ASXL2: variants seen among roughly 807,000 people sequenced by gnomAD.
ASXL2 encodes the protein putative Polycomb group protein ASXL2.
A neutral mutation model predicts 122.0 loss-of-function variants in ASXL2; 23 were observed. That is an observed-to-expected ratio of 0.19 (90% CI 0.14 to 0.27). ASXL2 has a LOEUF of 0.27. Ranked by LOEUF, ASXL2 falls within the 10% of genes least tolerant of loss-of-function variation. ASXL2 has a pLI of 1.00. For synonymous variants in ASXL2, 650 were observed against 637.0 expected, an observed-to-expected ratio of 1.02 and a Z score of -0.31; for missense variants, 1,518 against 1,713.8, an observed-to-expected ratio of 0.89 and a Z score of 2.02.
chr2:25,834,904 C>A lies in ASXL2; in HGVS notation c.143+634G>T, dbSNP rs540544192. On this transcript the variant is annotated intron_variant, in intron 3 of 12. Coordinates refer to ENST00000435504, the MANE Select transcript of ASXL2 (RefSeq NM_018263.6). ...GTGGCATGATCTCGGCTCACTGCAA[C>A]CTCCACCTTGTGGGTTCAAGCAATT... 3.6e-4 allele frequency among the ~76,000 whole-genome samples: 55 copies of A among 152,166 alleles called. 1 individual carries two copies. In the South Asian group the frequency reaches 0.011, roughly 30 times the overall value.
intron 2 of ASXL2, among the ~76,000 whole-genome samples, chr2:25,839,301 T>G (rs141909937): frequency 3.9e-5 from 6 of 152,326 alleles, no homozygotes; most frequent in Admixed American, 1.3e-4. Context: ...TTTTACTATT[T>G]TTGATTTTAT....
chr2:25,832,913 A>G (rs1038693641), intron 3 of ASXL2, among the ~76,000 whole-genome samples: 2 of 152,230 alleles, frequency 1.3e-5, no homozygotes, highest in African/African-American at 4.8e-5. Context: ...CATACAATGA[A>G]TGGGGGCTGC....
chr2:25,857,096 G>GGT (rs2089789691), intron 1 of ASXL2: 1 of 113,958 alleles, frequency 8.8e-6, no homozygotes, highest in Non-Finnish European at 1.8e-5. Flanking sequence ...GGGGCGGGGG[G>GGT]GGGGAGATGG....
intron 3 of ASXL2, among the ~76,000 whole-genome samples, chr2:25,820,214 C>T (rs758882049): frequency 1.3e-5 from 2 of 152,142 alleles, no homozygotes; most frequent in Non-Finnish European, 2.9e-5. Context: ...TGCATCAAGC[C>T]TACTCTGAAG....
intron 8 of ASXL2, among the ~76,000 whole-genome samples, chr2:25,766,981 C>T (rs1337387553): frequency 6.6e-6 from 1 of 152,158 alleles, no homozygotes; most frequent in Non-Finnish European, 1.5e-5. Context: ...GCTGCTTTAT[C>T]CCTGGCAACT....
In ASXL2 at chr2:25,781,959, C is replaced by CTTTTTTTTTTTTTTT. The variant is rs1327580113; in HGVS notation, c.404-10420_404-10419insAAAAAAAAAAAAAAA. ...TAACAGGCGTGAGCCACCGCCCGGG[C>CTTTTTTTTTTTTTTT]TTTTTTCTTTTTTTTTTTTTTTTTT... On this transcript the variant is annotated intron_variant, in intron 5 of 12. Coordinates refer to ENST00000435504, the MANE Select transcript of ASXL2 (RefSeq NM_018263.6). 6.8e-5 allele frequency among the ~76,000 whole-genome samples: 6 copies of CTTTTTTTTTTTTTTT among 88,400 alleles called. 3 individuals are homozygous for CTTTTTTTTTTTTTTT. Among genetic ancestry groups the CTTTTTTTTTTTTTTT allele is most frequent in the Non-Finnish European group, 9.4e-5 (4 of 42,690 alleles). 58.0% of individuals were successfully genotyped at this position (88,400 alleles called of 152,430 possible).
At chr2:25,784,526 A>C (rs1211867910) in intron 5 of ASXL2, among the ~76,000 whole-genome samples, 1 of 152,248 alleles carries the variant, frequency 6.6e-6, no homozygotes, top group East Asian at 1.9e-4. Context: ...GGTATAAAAC[A>C]AGACACTTAT....
chr2:25,828,852 C>T (rs1413069629), intron 3 of ASXL2, among the ~76,000 whole-genome samples: 1 of 120,242 alleles, frequency 8.3e-6, no homozygotes, highest in Non-Finnish European at 1.8e-5. Flanking sequence ...AAAAAAACAA[C>T]AACCTTGTCC....
rs765589059 is a variant in ASXL2 at position 25,743,226 on chromosome 2, C to G, written c.3111G>C (p.Gln1037His). Residue 1037 changes from glutamine (Q) to histidine (H), a missense_variant, in exon 13 of 13, where the codon CAG becomes CAC. By Grantham distance (24) the Gln-to-His change is conservative. Coordinates refer to ENST00000435504, the MANE Select transcript of ASXL2 (RefSeq NM_018263.6). ...CCCTCAGCTCCTTAGCTGAAAAGAG[C>G]TGAAGGGGCCTTGGAACCTGGGGGA... ...KQLPQVPRPL[Q>H]LFSAKELRDS... 6.2e-7 allele frequency: 1 copy of G among 1,613,758 alleles called. No homozygotes were observed. Among genetic ancestry groups the G allele is most frequent in the Non-Finnish European group, 8.5e-7 (1 of 1,179,738 alleles).
chr2:25,760,137 G>C (rs981933087), intron 8 of ASXL2, among the ~76,000 whole-genome samples: 1 of 151,296 alleles, frequency 6.6e-6, no homozygotes, highest in African/African-American at 2.4e-5. Context: ...TCCACAACCA[G>C]AAGGTTACAA....
intron 1 of ASXL2, among the ~76,000 whole-genome samples, chr2:25,848,615 C>A (rs537204176): frequency 6.6e-6 from 1 of 152,062 alleles, no homozygotes; most frequent in African/African-American, 2.4e-5. Flanking sequence ...AAGAGGAAGA[C>A]TCCATCTCAA....
chr2:25,786,077 C>T lies in ASXL2; in HGVS notation c.403+13308G>A, dbSNP rs113948906. On this transcript the variant is annotated intron_variant, in intron 5 of 12. Transcript: ENST00000435504. The stretch of plus-strand genomic sequence containing the variant: ...CACAAGGTTGGTTTAACATTTAATA[C>T]GTAAAATCAATATAATTCACTACAG... Among the ~76,000 whole-genome samples, 723 of 152,006 alleles carry T rather than the reference C, an allele frequency of 4.8e-3. 5 individuals carry two copies. Among genetic ancestry groups the T allele is most frequent in the African/African-American group, 0.016 (681 of 41,400 alleles).
intron 12 of ASXL2, among the ~76,000 whole-genome samples, chr2:25,748,504 A>T (rs1574394133): frequency 1.4e-5 from 1 of 69,320 alleles, no homozygotes; most frequent in Non-Finnish European, 3.3e-5. Flanking sequence ...AGACTCCGTT[A>T]AAAAAAAAAA....
chr2:25,850,708 G>A (rs13421137), intron 1 of ASXL2, among the ~76,000 whole-genome samples: 41,858 of 152,018 alleles, frequency 0.28, 6,070 homozygotes, highest in African/African-American at 0.32. Flanking sequence ...AGCAGCCACC[G>A]ATGATCACTA....
chr2:25,829,921 T>C (rs751101508), intron 3 of ASXL2, among the ~76,000 whole-genome samples: 8 of 152,138 alleles, frequency 5.3e-5, no homozygotes, highest in African/African-American at 1.9e-4. Flanking sequence ...GCAAAGGGGA[T>C]CCTGCCAGGA....
At chr2:25,789,331 G>A (rs1363129501) in intron 5 of ASXL2, among the ~76,000 whole-genome samples, 1 of 151,260 alleles carries the variant, frequency 6.6e-6, no homozygotes, top group East Asian at 1.9e-4. Flanking sequence ...TGCAAATAAT[G>A]TAATAGCAAA....
At chr2:25,809,837 C>T in intron 3 of ASXL2, 1 of 448,690 alleles carries the variant, frequency 2.2e-6, no homozygotes, top group South Asian at 1.7e-5. Flanking sequence ...AGCAGCCTTC[C>T]AGTTATAAAG....
At chr2:25,762,482 A>G (rs2088270989) in intron 8 of ASXL2, among the ~76,000 whole-genome samples, 1 of 151,944 alleles carries the variant, frequency 6.6e-6, no homozygotes, top group Non-Finnish European at 1.5e-5. Flanking sequence ...CCTGGCCAAC[A>G]TGGTGAAAAC....
chr2:25,854,601 A>G (rs919003073), intron 1 of ASXL2, among the ~76,000 whole-genome samples: 8 of 152,216 alleles, frequency 5.3e-5, no homozygotes, highest in Admixed American at 5.2e-4. Flanking sequence ...AGCTTAACCT[A>G]GTAGGTGCTC....
Sources: gnomAD v4.1 joint callset for allele counts (sites outside exome capture counted in the v4.1 genomes callset) on GRCh38, gnomAD v4.1.1 for gene constraint, MANE v1.5 for transcripts, NCBI Gene and HGNC (gene_info 2026-07-23, HGNC 2026-07-21) for gene names.